Variants in BAG4 observed in about 807,000 individuals in gnomAD.
BAG4 encodes the protein BAG cochaperone 4.
Under a neutral mutation model 52.1 loss-of-function variants are expected in BAG4, and 28 were observed. The ratio of observed to expected loss-of-function variants is 0.54; its 90% CI spans 0.40 to 0.74. The LOEUF (loss-of-function observed/expected upper bound fraction) is 0.74, where lower values mean the gene tolerates loss of function less well. Among genes scored for constraint, BAG4 ranks in the 30% least tolerant of loss-of-function variants. The pLI is 0.00. For synonymous variants in BAG4, 208 were observed against 217.0 expected, an observed-to-expected ratio of 0.96 and a Z score of 0.37; for missense variants, 525 against 572.0, an observed-to-expected ratio of 0.92 and a Z score of 0.84.
At chr8:38,207,848 G>C in intron 3 of BAG4, 82 bp downstream of exon 3, 1 of 1,483,260 alleles carries the variant, frequency 6.7e-7, no homozygotes, top group South Asian at 1.3e-5. Flanking sequence ...GTTCATACTA[G>C]TGCTGATTTA....
intron 1 of BAG4, among the ~76,000 whole-genome samples, chr8:38,181,358 C>G (rs1016853662): frequency 6.6e-6 from 1 of 151,208 alleles, no homozygotes; most frequent in Non-Finnish European, 1.5e-5. Flanking sequence ...CTCAGGCTCC[C>G]AAGTAGCTGG....
chr8:38,202,485 G>A lies in BAG4; in HGVS notation c.379-5027G>A, dbSNP rs150928322. On this transcript the variant is annotated intron_variant, in intron 2 of 4. Transcript: ENST00000287322. The stretch of plus-strand genomic sequence containing the variant: ...TGCCCCCGCTTATCTTAAACTCTTT[G>A]AGTTTAAGCAGTCCACCTGCCTTGG... Among the ~76,000 whole-genome samples, 169 of 151,834 alleles carry A rather than the reference G, an allele frequency of 1.1e-3. 1 individual carries two copies. Among genetic ancestry groups the A allele is most frequent in the South Asian group, 5.0e-3 (24 of 4,808 alleles).
rs1803162088 is a variant in BAG4 at position 38,176,855 on chromosome 8, A to G, written c.-15A>G. 1 of 1,481,584 alleles carries G rather than the reference A, an allele frequency of 6.7e-7. No homozygotes were observed. Among genetic ancestry groups the G allele is most frequent in the Non-Finnish European group, 9.0e-7 (1 of 1,115,092 alleles). The allele number at this position is 1,481,584 out of a possible 1,614,324, so 91.8% of individuals were successfully genotyped here. A position where few individuals can be genotyped will look rare whatever the true frequency, so the allele number is the denominator to read the frequency against. On this transcript the variant is annotated 5_prime_UTR_variant, in exon 1 of 5. Transcript: ENST00000287322. ...TGGGGAGCGGGGCGGGAAGCGCTTC[A>G]GGGCAGCGGATCCCATGTCGGCCCT...
chr8:38,192,465 C>G (rs966162938), intron 1 of BAG4, among the ~76,000 whole-genome samples: 1 of 151,948 alleles, frequency 6.6e-6, no homozygotes, highest in Non-Finnish European at 1.5e-5. Flanking sequence ...TTTTAAGAGA[C>G]GGGGTCTCTC....
At chr8:38,178,096 G>A (rs1425667744) in intron 1 of BAG4, among the ~76,000 whole-genome samples, 1 of 151,776 alleles carries the variant, frequency 6.6e-6, no homozygotes, top group East Asian at 1.9e-4. Flanking sequence ...CATAAAGCTT[G>A]TCCGCCCATG....
chr8:38,188,719 A>T (rs563334885), intron 1 of BAG4, among the ~76,000 whole-genome samples: 1 of 148,858 alleles, frequency 6.7e-6, no homozygotes, highest in South Asian at 2.1e-4. Flanking sequence ...ATATATATAT[A>T]AAAATATGCA....
At chr8:38,196,910 C>T (rs1299582845) in intron 2 of BAG4, among the ~76,000 whole-genome samples, 1 of 151,720 alleles carries the variant, frequency 6.6e-6, no homozygotes, top group African/African-American at 2.4e-5. Context: ...AACCCCTTCA[C>T]TACTAAAAAT....
rs1554506184 is a variant in BAG4 at position 38,181,915 on chromosome 8, A to AAAG, written c.270+4777_270+4778insAGA. 2.7e-4 allele frequency among the ~76,000 whole-genome samples: 37 copies of AAAG among 134,630 alleles called. 2 individuals carry two copies. The highest frequency in any genetic ancestry group is 6.6e-4 in the African/African-American group (24 of 36,284). 88.3% of individuals were successfully genotyped at this position (134,630 alleles called of 152,430 possible). A position where few individuals can be genotyped will look rare whatever the true frequency, so the allele number is the denominator to read the frequency against. The stretch of plus-strand genomic sequence containing the variant: ...AAAAAAAAAAAAAAAAAAAAAAAAA[A>AAAG]AGGAAGTAAGGGAAAAGAGTTAGAG... On this transcript the variant is annotated intron_variant, in intron 1 of 4. Transcript: ENST00000287322.
chr8:38,212,579 A>G lies in BAG4; in HGVS notation c.*2086A>G, dbSNP rs1046149814. 2.0e-5 allele frequency: 3 copies of G among 152,212 alleles called. No individual in the cohort carries two copies. Among genetic ancestry groups the G allele is most frequent in the African/African-American group, 7.2e-5 (3 of 41,466 alleles). 9.4% of individuals were successfully genotyped at this position (152,212 alleles called of 1,614,324 possible). On this transcript the variant is annotated 3_prime_UTR_variant, in exon 5 of 5. Transcript: ENST00000287322. ...TTAGTCTTTTCACTAATGTCCTTTT[A>G]CTGTTCCAAGACCCAGCCTTGCATT...
At position 38,210,227 on chromosome 8, in the gene BAG4, G is replaced by A. The variant is rs1305222219; in HGVS notation, c.1108G>A (p.Val370Ile). The change falls in exon 5 of 5, where the codon GTA becomes ATA. Residue 370 changes from valine to isoleucine, a missense_variant. This residue lies in a region of BAG4 where 238 missense variants were observed against 305.8 expected (regional missense o/e 0.78). Transcript: ENST00000287322. ...DQSSSLPEECVPSDESTPPSI... is the reference protein window; with the variant it reads ...DQSSSLPEECIPSDESTPPSI... ...AAGTAGCAGTCTTCCTGAAGAATGT[G>A]TACCTTCAGATGAAAGTACTCCTCC... The A allele has an allele frequency of 3.1e-6, 5 of 1,614,044 alleles. No homozygotes were observed. Among genetic ancestry groups the A allele is most frequent in the African/African-American group, 2.7e-5 (2 of 74,918 alleles).
rs1464886458 is a variant in BAG4, at chr8:38,209,216, T to C, written c.837T>C (p.Pro279=). The C allele has an allele frequency of 1.2e-6, 2 of 1,614,078 alleles. No individual in the cohort carries two copies. The highest frequency in any genetic ancestry group is 1.7e-6 in the Non-Finnish European group (2 of 1,180,048). ...LYMTESTSPW[P]SSGSPQSPPS... is the part of the protein sequence containing the mutation. Reference sequence around the variant, plus strand: ...TGACTGAAAGTACTTCACCATGGCCTAGCAGTGGCTCTCCCCAGTCACCCC... The same window carrying C: ...TGACTGAAAGTACTTCACCATGGCCCAGCAGTGGCTCTCCCCAGTCACCCC... The change falls in exon 4 of 5, where the codon CCT becomes CCC. Residue 279 remains proline (P), a synonymous_variant. Coordinates refer to ENST00000287322, the MANE Select transcript of BAG4 (RefSeq NM_004874.4).
chr8:38,194,846 T>G (rs1274851319), intron 2 of BAG4, among the ~76,000 whole-genome samples: 7 of 145,448 alleles, frequency 4.8e-5, no homozygotes, highest in African/African-American at 1.7e-4. Flanking sequence ...TGTTTTTTTT[T>G]GTTTTTTTTT....
intron 2 of BAG4, among the ~76,000 whole-genome samples, chr8:38,207,039 G>T (rs1028855074): frequency 4.9e-5 from 7 of 144,284 alleles, no homozygotes; most frequent in African/African-American, 1.8e-4. Flanking sequence ...TGCAACCTCC[G>T]CCTCCTGGGT....
intron 1 of BAG4, among the ~76,000 whole-genome samples, chr8:38,177,357 A>G (rs1238523683): frequency 6.6e-6 from 1 of 152,138 alleles, no homozygotes. Context: ...GTTTATTACC[A>G]TTTAAAAAAG....
At chr8:38,180,692 A>G (rs976866968) in intron 1 of BAG4, among the ~76,000 whole-genome samples, 3 of 152,088 alleles carry the variant, frequency 2.0e-5, no homozygotes, top group Non-Finnish European at 4.4e-5. Flanking sequence ...TTGCTACTCA[A>G]AAAGTGTGGT....
intron 1 of BAG4, among the ~76,000 whole-genome samples, chr8:38,190,205 T>C (rs1168237984): frequency 6.6e-6 from 1 of 152,214 alleles, no homozygotes; most frequent in Admixed American, 6.5e-5. Context: ...ACAATATCGG[T>C]TCCCAATAAC....
chr8:38,201,199 A>G (rs1803656835), intron 2 of BAG4, among the ~76,000 whole-genome samples: 3 of 152,202 alleles, frequency 2.0e-5, no homozygotes, highest in Admixed American at 1.3e-4. Context: ...ACAACATACA[A>G]GTTGTTGGAT....
Position 38,188,607 on chromosome 8 carries a change from A to G in BAG4, c.271-4081A>G, listed in dbSNP as rs1191209554. On this transcript the variant is annotated intron_variant, in intron 1 of 4. Coordinates refer to ENST00000287322, the MANE Select transcript of BAG4 (RefSeq NM_004874.4). ...TATACACATATATATATGCATGTATACATATATATACATGTACACATATAT... is the reference window on the plus strand; with the variant it reads ...TATACACATATATATATGCATGTATGCATATATATACATGTACACATATAT... 2.7e-5 allele frequency among the ~76,000 whole-genome samples: 4 copies of G among 149,894 alleles called. No homozygotes were observed. In the East Asian group the frequency reaches 5.8e-4, roughly 22 times the overall value.
At chr8:38,195,822 G>C (rs1803552231) in intron 2 of BAG4, among the ~76,000 whole-genome samples, 1 of 152,152 alleles carries the variant, frequency 6.6e-6, no homozygotes, top group South Asian at 2.1e-4. Context: ...TTGGTTTTTA[G>C]TATATTCACA....
Sources: allele counts gnomAD v4.1 joint callset (sites outside exome capture counted in the v4.1 genomes callset), GRCh38; gene constraint gnomAD v4.1.1; regional missense constraint gnomAD v4.1.1; transcripts MANE v1.5; gene names NCBI Gene and HGNC (gene_info 2026-07-23, HGNC 2026-07-21).